MYO16: variants seen among roughly 807,000 people sequenced by gnomAD.
The protein encoded by MYO16 is myosin XVI.
A neutral mutation model predicts 205.3 loss-of-function variants in MYO16; 94 were observed. That is an observed-to-expected ratio of 0.46 (90% CI 0.39 to 0.54). MYO16 has a LOEUF of 0.54. Ranked by LOEUF, MYO16 falls within the 20% of genes least tolerant of loss-of-function variation. MYO16 has a pLI of 0.00. For missense variants in MYO16, 2,315 were observed against 2,387.5 expected, an observed-to-expected ratio of 0.97 and a Z score of 0.63; for synonymous variants, 988 against 954.0, an observed-to-expected ratio of 1.04 and a Z score of -0.66.
chr13:108,754,942 T>C (rs1885372777), intron 4 of MYO16, among the ~76,000 whole-genome samples: 1 of 151,826 alleles, frequency 6.6e-6, no homozygotes, highest in Non-Finnish European at 1.5e-5. Flanking sequence ...AAATACGTAA[T>C]AAGTATGATG....
chr13:108,816,868 T>C (rs1875643139), intron 7 of MYO16, among the ~76,000 whole-genome samples: 1 of 152,078 alleles, frequency 6.6e-6, no homozygotes, highest in African/African-American at 2.4e-5. Context: ...AAAATGCAGA[T>C]AGACTAATAG....
intron 27 of MYO16, among the ~76,000 whole-genome samples, chr13:109,072,313 G>A (rs1468979242): frequency 6.6e-6 from 1 of 152,046 alleles, no homozygotes; most frequent in East Asian, 1.9e-4. Context: ...AAAATATTTG[G>A]AATAAAGATT....
intron 27 of MYO16, among the ~76,000 whole-genome samples, chr13:109,063,378 G>C (rs1475943769): frequency 6.6e-6 from 1 of 152,194 alleles, no homozygotes; most frequent in Non-Finnish European, 1.5e-5. Flanking sequence ...GACTTCACTA[G>C]TTTGGAGACA....
intron 4 of MYO16, among the ~76,000 whole-genome samples, chr13:108,734,324 T>C (rs1388045520): frequency 1.3e-5 from 2 of 152,168 alleles, no homozygotes; most frequent in African/African-American, 4.8e-5. Context: ...GCAGGAAGTG[T>C]GCAATTAATT....
intron 7 of MYO16, among the ~76,000 whole-genome samples, chr13:108,807,065 T>G (rs9284249): frequency 0.73 from 110,285 of 152,042 alleles, 41,249 homozygotes; most frequent in East Asian, 1. Flanking sequence ...ATAATACGGA[T>G]TTAAAATGTT....
intron 9 of MYO16, among the ~76,000 whole-genome samples, chr13:108,843,474 T>G (rs543972491): frequency 6.7e-6 from 1 of 149,394 alleles, no homozygotes; most frequent in Admixed American, 6.8e-5. Flanking sequence ...TTTTACTGTA[T>G]GTAAACTAGA....
At chr13:109,088,537 A>G (rs1305136165) in intron 27 of MYO16, among the ~76,000 whole-genome samples, 1 of 151,994 alleles carries the variant, frequency 6.6e-6, no homozygotes, top group Non-Finnish European at 1.5e-5. Flanking sequence ...GAGCTGAAGC[A>G]TAATTCAGCA....
the MYO16 span, among the ~76,000 whole-genome samples, chr13:108,519,910 G>A: frequency 6.6e-6 from 1 of 152,206 alleles, no homozygotes; most frequent in South Asian, 2.1e-4. Flanking sequence ...CTTGAATACT[G>A]TTCGTGTTTT....
intron 4 of MYO16, among the ~76,000 whole-genome samples, chr13:108,736,558 G>A (rs2139602493): frequency 6.6e-6 from 1 of 152,242 alleles, no homozygotes; most frequent in East Asian, 1.9e-4. Flanking sequence ...TTGTAGTATA[G>A]TTTGAAGTCA....
At chr13:108,969,735 A>G (rs372928888) in intron 20 of MYO16, among the ~76,000 whole-genome samples, 1 of 152,198 alleles carries the variant, frequency 6.6e-6, no homozygotes, top group Admixed American at 6.5e-5. Flanking sequence ...AATGAGCTCA[A>G]TCACCTCTCT....
At chr13:108,790,850 T>C (rs574146713) in intron 5 of MYO16, among the ~76,000 whole-genome samples, 3 of 152,328 alleles carry the variant, frequency 2.0e-5, no homozygotes, top group South Asian at 2.1e-4. Context: ...GAGTCTGCAG[T>C]GAGTGATGTC....
rs527501520 is a variant in MYO16, at chr13:108,724,449, A to G, written c.364-2991A>G. Reference sequence around the variant, plus strand: ...TAGCTCTTGCTTTGTTATCCAGTCTAATACTCCCTGCCTTTTAACTGTGTC... The same window carrying G: ...TAGCTCTTGCTTTGTTATCCAGTCTGATACTCCCTGCCTTTTAACTGTGTC... On this transcript the variant is annotated intron_variant, in intron 3 of 34. Transcript: ENST00000457511. Among the ~76,000 whole-genome samples, 5 of 152,272 alleles carry G rather than the reference A, an allele frequency of 3.3e-5. No individual in the cohort carries two copies. In the East Asian group the frequency reaches 9.7e-4, roughly 29 times the overall value.
intron 21 of MYO16, among the ~76,000 whole-genome samples, chr13:109,002,897 AT>A (rs1421341229): frequency 3.3e-5 from 5 of 152,150 alleles, no homozygotes. Context: ...TGTGGGGTAC[AT>A]TTTTTTAAAG....
intron 16 of MYO16, among the ~76,000 whole-genome samples, chr13:108,923,216 A>G (rs1463888017): frequency 6.6e-6 from 1 of 152,222 alleles, no homozygotes; most frequent in East Asian, 1.9e-4. Flanking sequence ...GCGTGTATCC[A>G]TCTTGTGCCC....
chr13:108,866,106 T>A, intron 11 of MYO16, 71 bp from the exon 12 acceptor site: 1 of 952,174 alleles, frequency 1.1e-6, no homozygotes, highest in Non-Finnish European at 1.5e-6. Flanking sequence ...GGTTTTTAAA[T>A]TGTATGATTT....
intron 4 of MYO16, among the ~76,000 whole-genome samples, chr13:108,754,258 G>C (rs1319675522): frequency 6.6e-6 from 1 of 152,166 alleles, no homozygotes; most frequent in Non-Finnish European, 1.5e-5. Context: ...AGGACAAGCA[G>C]TAGCATGAAA....
At chr13:108,535,627 C>A in the MYO16 span, among the ~76,000 whole-genome samples, 1 of 152,146 alleles carries the variant, frequency 6.6e-6, no homozygotes, top group Non-Finnish European at 1.5e-5. Context: ...TGGAAAATTT[C>A]ATTCATCACT....
At chr13:109,157,368 C>T (rs183680305) in intron 32 of MYO16, among the ~76,000 whole-genome samples, 22 of 152,000 alleles carry the variant, frequency 1.4e-4, no homozygotes, top group African/African-American at 5.3e-4. Context: ...CTTCCCGGTG[C>T]GGAGGTGTGG....
chr13:108,567,415 A>G, the MYO16 span, among the ~76,000 whole-genome samples: 162 of 152,288 alleles, frequency 1.1e-3, no homozygotes, highest in African/African-American at 3.6e-3. Flanking sequence ...CCCGGGTGAT[A>G]AGATTTAATT....
Sources: gnomAD v4.1 joint callset for allele counts (sites outside exome capture counted in the v4.1 genomes callset) on GRCh38, gnomAD v4.1.1 for gene constraint, MANE v1.5 for transcripts, NCBI Gene and HGNC (gene_info 2026-07-23, HGNC 2026-07-21) for gene names.